IRGM: variants seen among roughly 807,000 people sequenced by gnomAD.
IRGM encodes the protein immunity related GTPase M, also known as immunity-related GTPase family M protein.
For missense variants in IRGM, 288 were observed against 219.9 expected (o/e 1.31, Z -1.96); for synonymous variants, 98 against 80.6 (o/e 1.22, Z -1.16).
At chr5:150,891,742 T>C (rs1237327310) in intron 3 of IRGM, among the ~76,000 whole-genome samples, 2 of 152,090 alleles carry the variant, frequency 1.3e-5, no homozygotes, top group African/African-American at 2.4e-5. Context: ...CTCTGGCAGC[T>C]GTAATTGTGT....
downstream of IRGM, chr5:150,900,795 TAATA>T (rs1435566905): frequency 6.9e-6 from 1 of 145,846 alleles, no homozygotes; most frequent in East Asian, 1.9e-4. Context: ...ATAAGAAAGA[TAATA>T]AATGTGGAAT....
At position 150,848,209 on chromosome 5, in the gene IRGM, T is replaced by C; in HGVS notation, c.86T>C (p.Val29Ala). The change falls in exon 2 of 2, where the codon GTG becomes GCG. Residue 29 changes from valine to alanine, a missense_variant. Physicochemically the swap from Val to Ala is moderately conservative, Grantham distance 64. Coordinates refer to ENST00000522154, the MANE Select transcript of IRGM (RefSeq NM_001145805.2). ...AACATCAAGGAGACTCTGAAGATAG[T>C]GTCCAGGACACCAGTTAACATCACT... ...ISNIKETLKI[V>A]SRTPVNITMA... is the part of the protein sequence containing the mutation. 1 of 1,551,796 alleles carries C rather than the reference T, an allele frequency of 6.4e-7. No individual in the cohort carries two copies. The highest frequency in any genetic ancestry group is 8.7e-7 in the Non-Finnish European group (1 of 1,146,946).
Position 150,848,490 on chromosome 5 carries a change from T to C in IRGM, c.367T>C (p.Phe123Leu). Residue 123 changes from phenylalanine (F) to leucine (L), a missense_variant, in exon 2 of 2, where the codon TTC becomes CTC. Transcript: ENST00000522154. Reference sequence around the variant, plus strand: ...CTTCATCATGGTTGCATCTGCACAATTCAGCATGAATCATGTGATGCTTGC... The same window carrying C: ...CTTCATCATGGTTGCATCTGCACAACTCAGCATGAATCATGTGATGCTTGC... ...YDFIMVASAQ[F>L]SMNHVMLAKT... 6.4e-7 allele frequency: 1 copy of C among 1,551,852 alleles called. No homozygotes were observed. Among genetic ancestry groups the C allele is most frequent in the South Asian group, 1.2e-5 (1 of 84,062 alleles).
At chr5:150,898,039 A>G in intron 3 of IRGM, 1 of 1,602,984 alleles carries the variant, frequency 6.2e-7, no homozygotes, top group Non-Finnish European at 8.5e-7. Context: ...AATTAAAAAA[A>G]CATAAATTGA....
rs114504566 is a variant in IRGM at position 150,870,990 on chromosome 5, A to G, written c.159-6990A>G. On this transcript the variant is annotated intron_variant and NMD_transcript_variant, in intron 1 of 3. Coordinates refer to the IRGM transcript ENST00000520549. ...GGCTAAATTCCCACCAAAAAAAAAA[A>G]GTGGTATGGTGGGAGGAGAAAAACG... 3.9e-3 allele frequency among the ~76,000 whole-genome samples: 586 copies of G among 152,052 alleles called. 8 individuals are homozygous for G. The highest frequency in any genetic ancestry group is 0.013 in the African/African-American group (554 of 41,474).
At chr5:150,867,926 T>G (rs1428062660) in intron 1 of IRGM, among the ~76,000 whole-genome samples, 3 of 152,122 alleles carry the variant, frequency 2.0e-5, no homozygotes, top group African/African-American at 7.2e-5. Flanking sequence ...TTTCTTCCAC[T>G]CTGTGGGTTG....
chr5:150,895,385 G>A (rs752961153), intron 3 of IRGM: 1 of 1,443,216 alleles, frequency 6.9e-7, no homozygotes, highest in Non-Finnish European at 9.4e-7. Flanking sequence ...TAATTATTAA[G>A]GCTTGAGCTA....
chr5:150,891,188 T>C (rs2113299859), intron 3 of IRGM, among the ~76,000 whole-genome samples: 1 of 152,012 alleles, frequency 6.6e-6, no homozygotes, highest in African/African-American at 2.4e-5. Context: ...GAACTGGTCT[T>C]TTAAAAATCT....
chr5:150,861,634 G>A (rs896934573), intron 1 of IRGM, among the ~76,000 whole-genome samples: 1 of 152,108 alleles, frequency 6.6e-6, no homozygotes, highest in Non-Finnish European at 1.5e-5. Context: ...GATAACTTGC[G>A]ATTTTTAGTC....
At chr5:150,898,173 A>G in intron 3 of IRGM, 1 of 1,613,366 alleles carries the variant, frequency 6.2e-7, no homozygotes, top group South Asian at 1.1e-5. Flanking sequence ...TCTGGTTTGG[A>G]AACTGGATAC....
chr5:150,879,012 C>T (rs7716903), intron 2 of IRGM, among the ~76,000 whole-genome samples: 1 of 151,946 alleles, frequency 6.6e-6, no homozygotes, highest in Non-Finnish European at 1.5e-5. Flanking sequence ...CAAAAATACA[C>T]ACTAGGGGTT....
intron 1 of IRGM, among the ~76,000 whole-genome samples, chr5:150,874,840 C>A (rs781386429): frequency 6.6e-6 from 1 of 152,202 alleles, no homozygotes; most frequent in Non-Finnish European, 1.5e-5. Flanking sequence ...CAGATAACTA[C>A]TCTCCTTTTG....
intron 1 of IRGM, among the ~76,000 whole-genome samples, chr5:150,863,190 T>C (rs1754160773): frequency 6.6e-6 from 1 of 152,114 alleles, no homozygotes; most frequent in Non-Finnish European, 1.5e-5. Context: ...GAGACATCTG[T>C]GAAACTGGCG....
chr5:150,895,492 C>T (rs1197457431), intron 3 of IRGM: 1 of 1,613,278 alleles, frequency 6.2e-7, no homozygotes, highest in South Asian at 1.1e-5. Context: ...AAGGCCTTCC[C>T]ACATATAGCA....
downstream of IRGM, among the ~76,000 whole-genome samples, chr5:150,902,286 A>G (rs915559012): frequency 6.6e-6 from 1 of 152,198 alleles, no homozygotes; most frequent in African/African-American, 2.4e-5. Flanking sequence ...GATATGGAGC[A>G]TCAGGGACCT....
At chr5:150,895,898 G>A in intron 3 of IRGM, 3 of 1,613,464 alleles carry the variant, frequency 1.9e-6, no homozygotes, top group Non-Finnish European at 2.5e-6. Flanking sequence ...CTGTCTTCCT[G>A]CTGAAGGCTT....
At chr5:150,877,456 G>T (rs978187637) in intron 1 of IRGM, among the ~76,000 whole-genome samples, 5 of 152,108 alleles carry the variant, frequency 3.3e-5, no homozygotes, top group Admixed American at 1.3e-4. Flanking sequence ...CTTCAGCTTT[G>T]GTATTCAGAC....
At chr5:150,892,736 TTTA>T (rs1204944949) in intron 3 of IRGM, among the ~76,000 whole-genome samples, 1 of 152,002 alleles carries the variant, frequency 6.6e-6, no homozygotes, top group Non-Finnish European at 1.5e-5. Context: ...TACTTAAAGG[TTTA>T]TTATTTTTTC....
At chr5:150,855,045 T>C (rs1754031912) in intron 1 of IRGM, among the ~76,000 whole-genome samples, 1 of 152,202 alleles carries the variant, frequency 6.6e-6, no homozygotes, top group Non-Finnish European at 1.5e-5. Context: ...CATAGTATTT[T>C]TTTCTATGAA....
Sources: gnomAD v4.1 joint callset for allele counts (sites outside exome capture counted in the v4.1 genomes callset) on GRCh38, gnomAD v4.1.1 for gene constraint, MANE v1.5 for transcripts, NCBI Gene and HGNC (gene_info 2026-07-23, HGNC 2026-07-21) for gene names.